The following RIPOR2 variants were observed in gnomAD, a reference collection of about 807,000 sequenced individuals.
RIPOR2 encodes the protein rho family-interacting cell polarization regulator 2.
RIPOR2 carries 39 observed loss-of-function variants against 114.5 expected under a neutral mutation model. The observed-to-expected ratio is 0.34, with a 90% CI of 0.26 to 0.44. The LOEUF is 0.44. Among genes scored for constraint, RIPOR2 ranks in the 20% least tolerant of loss-of-function variants. The pLI is 1.00. For missense variants in RIPOR2, 1,007 were observed against 1,255.1 expected (o/e 0.80, Z 2.99); for synonymous variants, 445 against 484.4 (o/e 0.92, Z 1.07).
intron 1 of RIPOR2, among the ~76,000 whole-genome samples, chr6:24,884,816 T>C (rs1766673479): frequency 6.6e-6 from 1 of 152,250 alleles, no homozygotes; most frequent in South Asian, 2.1e-4. Context: ...TCTCTGTAGA[T>C]GGCTGGATTT....
intron 5 of RIPOR2, among the ~76,000 whole-genome samples, chr6:24,869,680 G>A (rs545670113): frequency 3.9e-4 from 59 of 152,068 alleles, no homozygotes; most frequent in East Asian, 1.7e-3. Context: ...ATTAGTTATC[G>A]GAATCCTTGT....
chr6:24,993,069 T>C (rs1352463058), intron 1 of RIPOR2, among the ~76,000 whole-genome samples: 1 of 152,196 alleles, frequency 6.6e-6, no homozygotes, highest in Non-Finnish European at 1.5e-5. Flanking sequence ...TTTGTATTTC[T>C]GTCAGATCAA....
At chr6:24,868,628 G>A (rs1764856116) in intron 6 of RIPOR2, among the ~76,000 whole-genome samples, 1 of 152,162 alleles carries the variant, frequency 6.6e-6, no homozygotes, top group Non-Finnish European at 1.5e-5. Context: ...TGCCATATGA[G>A]GGAGAGTGGA....
chr6:25,010,019 C>G (rs770292452), intron 1 of RIPOR2, among the ~76,000 whole-genome samples: 1 of 152,128 alleles, frequency 6.6e-6, no homozygotes, highest in Non-Finnish European at 1.5e-5. Context: ...GGATCAAGAA[C>G]AGCTTCAAGA....
intron 1 of RIPOR2, among the ~76,000 whole-genome samples, chr6:24,897,247 C>T (rs758525873): frequency 6.6e-6 from 1 of 152,110 alleles, no homozygotes. Context: ...GAGTGTATTT[C>T]GATTCCTAGG....
Position 24,835,578 on chromosome 6 carries a change from A to G in RIPOR2, c.2208+125T>C, listed in dbSNP as rs190184851. On this transcript the variant is annotated intron_variant, in intron 15 of 21. Transcript: ENST00000643898. ...CATCAGAGTTTTTGACTTGGCTCAA[A>G]CCACAGCAAGACTGTTCTCTTATTC... 2.6e-3 allele frequency: 2,848 copies of G among 1,116,224 alleles called. 8 individuals are homozygous for G. The highest frequency in any genetic ancestry group is 3.3e-3 in the Non-Finnish European group (2,564 of 779,444). The allele number at this position is 1,116,224 out of a possible 1,614,324, so 69.1% of individuals were successfully genotyped here.
intron 1 of RIPOR2, among the ~76,000 whole-genome samples, chr6:24,888,632 A>G (rs778057835): frequency 3.9e-5 from 6 of 152,224 alleles, no homozygotes; most frequent in Non-Finnish European, 7.3e-5. Flanking sequence ...GGTGTTTATT[A>G]ATGGGCATGA....
intron 14 of RIPOR2, among the ~76,000 whole-genome samples, chr6:24,838,366 T>G (rs67917914): frequency 6.6e-6 from 1 of 151,982 alleles, no homozygotes; most frequent in Non-Finnish European, 1.5e-5. Context: ...ACAAAGGCAG[T>G]GGAAGTAAAG....
intron 1 of RIPOR2, among the ~76,000 whole-genome samples, chr6:25,004,661 C>T (rs774119991): frequency 6.8e-4 from 103 of 152,220 alleles, no homozygotes; most frequent in Non-Finnish European, 1.1e-3. Context: ...CTATTTGTCC[C>T]GAACTGGAGG....
chr6:24,939,938 C>T (rs539207082), upstream of RIPOR2, among the ~76,000 whole-genome samples: 1 of 152,284 alleles, frequency 6.6e-6, no homozygotes, highest in African/African-American at 2.4e-5. Flanking sequence ...TTGGTGCCCA[C>T]TTTATGCCAT....
chr6:24,839,791 T>G (rs1488718929), intron 13 of RIPOR2: 2 of 1,371,810 alleles, frequency 1.5e-6, no homozygotes, highest in South Asian at 1.8e-5. Context: ...AATCTCTAAT[T>G]CCAAGTGGCA....
At chr6:24,939,745 G>C (rs1195169695), upstream of RIPOR2, among the ~76,000 whole-genome samples, 1 of 152,210 alleles carries the variant, frequency 6.6e-6, no homozygotes, top group Non-Finnish European at 1.5e-5. Context: ...TTGCTTTTCA[G>C]TGATTGAGGC....
intron 20 of RIPOR2, among the ~76,000 whole-genome samples, chr6:24,810,340 C>T (rs757308666): frequency 1.3e-5 from 2 of 152,166 alleles, no homozygotes; most frequent in Non-Finnish European, 2.9e-5. Flanking sequence ...AAGTGACGAG[C>T]TTGCTTTTCC....
intron 16 of RIPOR2, among the ~76,000 whole-genome samples, chr6:24,831,756 C>T (rs1352680931): frequency 6.6e-6 from 1 of 152,216 alleles, no homozygotes; most frequent in Non-Finnish European, 1.5e-5. Flanking sequence ...CCAGATCACA[C>T]AAATTCAAAG....
intron 1 of RIPOR2, among the ~76,000 whole-genome samples, chr6:24,980,594 C>A (rs1774245267): frequency 6.6e-6 from 1 of 152,184 alleles, no homozygotes. Context: ...TGGCCCCTCA[C>A]ACCTATATGG....
chr6:24,937,404 C>T (rs1392817750), upstream of RIPOR2, among the ~76,000 whole-genome samples: 3 of 152,146 alleles, frequency 2.0e-5, no homozygotes, highest in African/African-American at 7.2e-5. Flanking sequence ...CAATAATGCC[C>T]ACCTTGAGAC....
intron 1 of RIPOR2, among the ~76,000 whole-genome samples, chr6:25,032,359 G>T (rs1399355183): frequency 1.3e-5 from 2 of 152,070 alleles, no homozygotes; most frequent in Non-Finnish European, 2.9e-5. Context: ...CAGGCTTTGT[G>T]TGCCTCTTTC....
At chr6:24,970,630 T>C (rs1581892502) in intron 1 of RIPOR2, among the ~76,000 whole-genome samples, 1 of 152,270 alleles carries the variant, frequency 6.6e-6, no homozygotes, top group South Asian at 2.1e-4. Flanking sequence ...ATGAATGACA[T>C]CCTAATGTAT....
intron 1 of RIPOR2, among the ~76,000 whole-genome samples, chr6:24,921,653 C>CT (rs530133055): frequency 2.0e-5 from 3 of 149,084 alleles, no homozygotes; most frequent in Non-Finnish European, 4.5e-5. Context: ...CACTTATCGC[C>CT]CCCCCCGACC....
Sources: allele counts gnomAD v4.1 joint callset (sites outside exome capture counted in the v4.1 genomes callset), GRCh38; gene constraint gnomAD v4.1.1; transcripts MANE v1.5; gene names NCBI Gene and HGNC (gene_info 2026-07-23, HGNC 2026-07-21).